The following DLGAP2 variants were observed in gnomAD, a reference collection of about 807,000 sequenced individuals.
The protein encoded by DLGAP2 is disks large-associated protein 2.
DLGAP2 carries 26 observed loss-of-function variants against 100.3 expected under a neutral mutation model. The ratio of observed to expected loss-of-function variants is 0.26; its 90% CI spans 0.19 to 0.36. The LOEUF (loss-of-function observed/expected upper bound fraction) is 0.36. Ranked by LOEUF, DLGAP2 falls within the 10% of genes least tolerant of loss-of-function variation. The pLI is 1.00. For missense variants in DLGAP2, 1,858 were observed against 1,453.2 expected, an observed-to-expected ratio of 1.28 and a Z score of -4.53; for synonymous variants, 886 against 630.1, an observed-to-expected ratio of 1.41 and a Z score of -6.08.
chr8:1,344,128 G>A (rs13271848), intron 3 of DLGAP2, among the ~76,000 whole-genome samples: 323 of 108,074 alleles, frequency 3.0e-3, no homozygotes, highest in Admixed American at 8.4e-3. Flanking sequence ...GGGCCCTGTC[G>A]TGGGTCCGTG....
intron 2 of DLGAP2, among the ~76,000 whole-genome samples, chr8:1,025,111 T>C (rs1429537504): frequency 6.6e-6 from 1 of 151,968 alleles, no homozygotes; most frequent in Non-Finnish European, 1.5e-5. Context: ...CGTGTATGTG[T>C]GTGCGTGCAT....
intron 2 of DLGAP2, among the ~76,000 whole-genome samples, chr8:1,120,984 A>G (rs1215470925): frequency 2.0e-5 from 3 of 151,536 alleles, no homozygotes; most frequent in Non-Finnish European, 4.4e-5. Context: ...TCGTCCCTTC[A>G]GAACCCAAGA....
In DLGAP2 at chr8:1,168,866, G is replaced by T. The variant is rs536213144; in HGVS notation, c.74-89985G>T. 3.2e-3 allele frequency among the ~76,000 whole-genome samples: 285 copies of T among 88,312 alleles called. 13 individuals are homozygous for T. Among genetic ancestry groups the T allele is most frequent in the Non-Finnish European group, 5.0e-3 (204 of 40,798 alleles). The allele number at this position is 88,312 out of a possible 152,430, so 57.9% of individuals were successfully genotyped here. On this transcript the variant is annotated intron_variant, in intron 2 of 14. Coordinates refer to ENST00000637795, the MANE Select transcript of DLGAP2 (RefSeq NM_001346810.2). ...CTCTGATGGTAGTTTCTTTTGCTGT[G>T]CAGAAGCTCTTGAGTTTAATTAGAT...
At chr8:1,097,676 C>A (rs1235620076) in intron 2 of DLGAP2, among the ~76,000 whole-genome samples, 3 of 132,648 alleles carry the variant, frequency 2.3e-5, no homozygotes, top group African/African-American at 9.1e-5. Context: ...CCTTCACCCT[C>A]TGTGGCATGG....
At chr8:1,361,769 G>T (rs905357321) in intron 3 of DLGAP2, among the ~76,000 whole-genome samples, 1 of 152,226 alleles carries the variant, frequency 6.6e-6, no homozygotes, top group Non-Finnish European at 1.5e-5. Flanking sequence ...CAAAAATCCA[G>T]TGGAGGAGAA....
In DLGAP2 at chr8:1,196,807, C is replaced by T. The variant is rs923721438; in HGVS notation, c.74-62044C>T. On this transcript the variant is annotated intron_variant, in intron 2 of 14. Coordinates refer to ENST00000637795, the MANE Select transcript of DLGAP2 (RefSeq NM_001346810.2). ...AGCTGCAGCAGTGATGAGCCAGGGG[C>T]GGTAACTGCTCATCACACATACACC... 5.9e-5 allele frequency among the ~76,000 whole-genome samples: 9 copies of T among 152,180 alleles called. No homozygotes were observed. In the South Asian group the frequency reaches 6.2e-4, roughly 11 times the overall value.
intron 8 of DLGAP2, among the ~76,000 whole-genome samples, chr8:1,641,069 C>T (rs78610750): frequency 0.017 from 2,572 of 152,086 alleles, 60 homozygotes; most frequent in African/African-American, 0.058. Context: ...GGGTAAGGGT[C>T]GGGTGTCGGA....
intron 2 of DLGAP2, among the ~76,000 whole-genome samples, chr8:1,159,079 AC>A (rs1458072261): frequency 1.3e-5 from 2 of 152,128 alleles, no homozygotes; most frequent in African/African-American, 4.8e-5. Flanking sequence ...CTGCTCTGTT[AC>A]CCTTGAGGAG....
At chr8:1,373,855 C>T (rs1205767797) in intron 3 of DLGAP2, 3 of 152,260 alleles carry the variant, frequency 2.0e-5, no homozygotes, top group Admixed American at 2.0e-4. Context: ...GTATCACAGA[C>T]CCGCAGAGAA....
At chr8:1,336,846 A>G (rs575643216) in intron 3 of DLGAP2, among the ~76,000 whole-genome samples, 1 of 152,310 alleles carries the variant, frequency 6.6e-6, no homozygotes, top group Non-Finnish European at 1.5e-5. Context: ...TGTTTACTGC[A>G]AAGGAATTTA....
chr8:971,851 T>C (rs182983324), intron 2 of DLGAP2, among the ~76,000 whole-genome samples: 2 of 152,266 alleles, frequency 1.3e-5, no homozygotes, highest in East Asian at 1.9e-4. Context: ...CTTCCTTCCT[T>C]ACACAGGGGG....
Position 1,697,160 on chromosome 8 carries a change from T to C in DLGAP2, c.2810T>C (p.Met937Thr). ...LCQQNMDPSAMPRPTSQDLAG... is the reference protein window; with the variant it reads ...LCQQNMDPSATPRPTSQDLAG... Reference sequence around the variant, plus strand: ...GTGTGTCCCCAGGACCCCAGCGCCATGCCGAGGCCGACGTCGCAGGACCTG... The same window carrying C: ...GTGTGTCCCCAGGACCCCAGCGCCACGCCGAGGCCGACGTCGCAGGACCTG... Residue 937 changes from methionine (M) to threonine (T), a missense_variant, in exon 14 of 15, where the codon ATG becomes ACG. Transcript: ENST00000637795. The C allele has an allele frequency of 1.3e-6, 2 of 1,592,980 alleles. No homozygotes were observed. The highest frequency in any genetic ancestry group is 1.1e-5 in the South Asian group (1 of 88,328).
intron 2 of DLGAP2, among the ~76,000 whole-genome samples, chr8:951,738 C>T (rs1215215745): frequency 1.3e-5 from 2 of 152,172 alleles, no homozygotes; most frequent in African/African-American, 2.4e-5. Flanking sequence ...CAGACGGGTC[C>T]TCACCTGGGG....
At chr8:1,482,587 C>T (rs1033539588) in intron 3 of DLGAP2, among the ~76,000 whole-genome samples, 3 of 152,270 alleles carry the variant, frequency 2.0e-5, no homozygotes, top group African/African-American at 4.8e-5. Flanking sequence ...TGGCATGGCT[C>T]GCTCTCGTGG....
chr8:1,652,380 G>T (rs963994977), intron 8 of DLGAP2, among the ~76,000 whole-genome samples: 1 of 152,108 alleles, frequency 6.6e-6, no homozygotes, highest in Non-Finnish European at 1.5e-5. Context: ...CTGAATTCCC[G>T]TGCCTAGAAC....
intron 12 of DLGAP2, chr8:1,680,565 C>CGAATG (rs1798920622): frequency 6.6e-6 from 1 of 152,316 alleles, no homozygotes; most frequent in African/African-American, 2.4e-5. Context: ...CGATGGACGC[C>CGAATG]GAATGTTGGG....
At chr8:743,270 T>C (rs1052031847) in intron 1 of DLGAP2, among the ~76,000 whole-genome samples, 2 of 151,784 alleles carry the variant, frequency 1.3e-5, no homozygotes, top group African/African-American at 4.8e-5. Context: ...TTCCAGGGAG[T>C]CAAGTCAACA....
intron 6 of DLGAP2, among the ~76,000 whole-genome samples, chr8:1,586,456 T>C (rs564733806): frequency 1.3e-5 from 2 of 152,218 alleles, no homozygotes; most frequent in African/African-American, 4.8e-5. Context: ...GATCTCCGAC[T>C]TGCTCTGCCT....
intron 2 of DLGAP2, among the ~76,000 whole-genome samples, chr8:957,246 C>T (rs1799617228): frequency 6.6e-6 from 1 of 152,206 alleles, no homozygotes; most frequent in Non-Finnish European, 1.5e-5. Flanking sequence ...GTGGGACAGC[C>T]AGAGGCCCCT....
Sources: gnomAD v4.1 joint callset for allele counts (sites outside exome capture counted in the v4.1 genomes callset) on GRCh38, gnomAD v4.1.1 for gene constraint, MANE v1.5 for transcripts, NCBI Gene and HGNC (gene_info 2026-07-23, HGNC 2026-07-21) for gene names.